Variants in GRIK1 observed in about 807,000 individuals in gnomAD.
The protein encoded by GRIK1 is glutamate ionotropic receptor kainate type subunit 1.
In GRIK1, 69 loss-of-function variants were observed where a neutral mutation model predicts 105.7. That is an observed-to-expected ratio of 0.65 (90% CI 0.54 to 0.80). The LOEUF (loss-of-function observed/expected upper bound fraction) is 0.80, where lower values mean the gene tolerates loss of function less well. Among genes scored for constraint, GRIK1 ranks in the 30% least tolerant of loss-of-function variants. The pLI is 0.00. For synonymous variants in GRIK1, 438 were observed against 431.3 expected (o/e 1.02, Z -0.19); for missense variants, 1,109 against 1,167.3 (o/e 0.95, Z 0.73).
chr21:29,755,126 A>G (rs1163273066), intron 1 of GRIK1, among the ~76,000 whole-genome samples: 3 of 152,234 alleles, frequency 2.0e-5, no homozygotes, highest in South Asian at 4.1e-4. Context: ...ATCAGATTGT[A>G]GTGATGGATA....
chr21:29,731,033 T>G (rs1313089889), intron 1 of GRIK1, among the ~76,000 whole-genome samples: 1 of 152,130 alleles, frequency 6.6e-6, no homozygotes, highest in Non-Finnish European at 1.5e-5. Context: ...AAAAATGGGT[T>G]CCCCTTAAAG....
chr21:29,848,773 A>AT (rs1163972601), intron 1 of GRIK1, among the ~76,000 whole-genome samples: 126 of 95,172 alleles, frequency 1.3e-3, no homozygotes, highest in African/African-American at 6.0e-3. Flanking sequence ...ATATATATAT[A>AT]TATATATTTT....
At chr21:29,776,594 A>G (rs2065949450) in intron 1 of GRIK1, among the ~76,000 whole-genome samples, 1 of 152,204 alleles carries the variant, frequency 6.6e-6, no homozygotes, top group South Asian at 2.1e-4. Context: ...CCAGTGTGGA[A>G]CAAGTGGATG....
intron 1 of GRIK1, among the ~76,000 whole-genome samples, chr21:29,731,971 C>G (rs1368752281): frequency 2.6e-5 from 4 of 152,116 alleles, no homozygotes; most frequent in Admixed American, 6.6e-5. Context: ...AAACAGATGT[C>G]TTCTCCTTCT....
At chr21:29,755,479 C>A (rs2065313280) in intron 1 of GRIK1, among the ~76,000 whole-genome samples, 1 of 152,244 alleles carries the variant, frequency 6.6e-6, no homozygotes, top group Non-Finnish European at 1.5e-5. Flanking sequence ...ATACCACTAT[C>A]ATTCTCACAT....
At chr21:29,606,270 C>T (rs546580327) in intron 7 of GRIK1, among the ~76,000 whole-genome samples, 5 of 152,026 alleles carry the variant, frequency 3.3e-5, no homozygotes, top group South Asian at 4.2e-4. Flanking sequence ...CGGACATTGG[C>T]CAGCTTTTTA....
intron 1 of GRIK1, among the ~76,000 whole-genome samples, chr21:29,770,672 C>T (rs897169237): frequency 1.3e-5 from 2 of 152,212 alleles, no homozygotes; most frequent in Non-Finnish European, 2.9e-5. Flanking sequence ...CTTCCTACCA[C>T]TTCTTGTTCC....
chr21:29,919,067 T>G (rs2071101774), intron 1 of GRIK1, among the ~76,000 whole-genome samples: 1 of 151,944 alleles, frequency 6.6e-6, no homozygotes, highest in Non-Finnish European at 1.5e-5. Context: ...CTGAGACATC[T>G]GCAGCTTTAG....
intron 6 of GRIK1, among the ~76,000 whole-genome samples, chr21:29,644,016 T>C (rs530996284): frequency 1.3e-5 from 2 of 152,184 alleles, no homozygotes; most frequent in Admixed American, 1.3e-4. Context: ...TGGAGAGTAA[T>C]AGGGATTATA....
At chr21:29,849,182 G>C (rs1042490871) in intron 1 of GRIK1, among the ~76,000 whole-genome samples, 7 of 151,616 alleles carry the variant, frequency 4.6e-5, no homozygotes, top group African/African-American at 1.7e-4. Context: ...TATTTTATTA[G>C]GTTTTAAAAC....
At chr21:29,880,799 A>G (rs2069379234) in intron 1 of GRIK1, among the ~76,000 whole-genome samples, 1 of 152,136 alleles carries the variant, frequency 6.6e-6, no homozygotes, top group Non-Finnish European at 1.5e-5. Flanking sequence ...TAGACCCAGG[A>G]GCAGGGCATG....
At chr21:29,858,035 G>C (rs1188013804) in intron 1 of GRIK1, among the ~76,000 whole-genome samples, 4 of 152,128 alleles carry the variant, frequency 2.6e-5, no homozygotes, top group Non-Finnish European at 2.9e-5. Context: ...CGAGTAGCTG[G>C]GATTACAGGC....
At chr21:29,545,940 T>G (rs1311004703) in intron 16 of GRIK1, among the ~76,000 whole-genome samples, 1 of 152,234 alleles carries the variant, frequency 6.6e-6, no homozygotes, top group East Asian at 1.9e-4. Context: ...TTGGTTAATG[T>G]TTTAGTTAAT....
intron 1 of GRIK1, among the ~76,000 whole-genome samples, chr21:29,924,628 A>C (rs1019229005): frequency 2.0e-5 from 3 of 152,214 alleles, no homozygotes; most frequent in Admixed American, 6.5e-5. Context: ...TTTAATCTTA[A>C]TGTCTCAAAA....
At chr21:29,871,826 C>T (rs1015959906) in intron 1 of GRIK1, among the ~76,000 whole-genome samples, 5 of 145,214 alleles carry the variant, frequency 3.4e-5, no homozygotes, top group Admixed American at 1.4e-4. Context: ...TGCAGTGACA[C>T]GATCTCAGCT....
intron 1 of GRIK1, among the ~76,000 whole-genome samples, chr21:29,758,417 T>C (rs1050139161): frequency 1.3e-5 from 2 of 152,068 alleles, no homozygotes; most frequent in Admixed American, 6.5e-5. Flanking sequence ...ATAGAGGAAC[T>C]CCCCTTTATA....
At chr21:29,769,283 T>A (rs914191076) in intron 1 of GRIK1, among the ~76,000 whole-genome samples, 4 of 151,604 alleles carry the variant, frequency 2.6e-5, no homozygotes, top group Middle Eastern at 3.2e-3. Flanking sequence ...ACAACAGGAG[T>A]CTTTATAAAA....
rs989759330 is a variant in GRIK1, at chr21:29,792,866, G to A, written c.119-98803C>T. ...TAAATGTATAGCACGAAGAGTAATTGTTTTACTGGGGAAAGAAAGAATATC... is the reference window on the plus strand; with the variant it reads ...TAAATGTATAGCACGAAGAGTAATTATTTTACTGGGGAAAGAAAGAATATC... On this transcript the variant is annotated intron_variant, in intron 1 of 17. Coordinates refer to ENST00000327783, the MANE Select transcript of GRIK1 (RefSeq NM_001330994.2). Among the ~76,000 whole-genome samples, 8 of 152,254 alleles carry A rather than the reference G, an allele frequency of 5.3e-5. No homozygotes were observed. The East Asian group carries it at 5.8e-4, about 11-fold the overall frequency.
chr21:29,846,396 A>AG (rs1344620370), intron 1 of GRIK1, among the ~76,000 whole-genome samples: 2 of 151,576 alleles, frequency 1.3e-5, no homozygotes, highest in Non-Finnish European at 2.9e-5. Flanking sequence ...CAAAAAAAAA[A>AG]AAAGAAAGAA....
Sources: allele counts gnomAD v4.1 joint callset (sites outside exome capture counted in the v4.1 genomes callset), GRCh38; gene constraint gnomAD v4.1.1; transcripts MANE v1.5; gene names NCBI Gene and HGNC (gene_info 2026-07-23, HGNC 2026-07-21).